Variants in SLC3A1 observed in about 807,000 individuals in gnomAD.
The protein encoded by SLC3A1 is solute carrier family 3 member 1.
SLC3A1 carries 78 observed loss-of-function variants against 60.3 expected under a neutral mutation model. The observed-to-expected ratio is 1.29, with a 90% confidence interval of 1.08 to 1.56. The LOEUF is 1.56. Ranked by LOEUF, SLC3A1 falls within the 40% of genes most tolerant of loss-of-function variation. The pLI is 0.00. For synonymous variants in SLC3A1, 392 were observed against 307.9 expected (o/e 1.27, Z -2.86); for missense variants, 1,172 against 858.9 (o/e 1.36, Z -4.56).
At chr2:44,293,368 T>G (rs1308837724) in intron 4 of SLC3A1, among the ~76,000 whole-genome samples, 1 of 151,992 alleles carries the variant, frequency 6.6e-6, no homozygotes, top group Non-Finnish European at 1.5e-5. Context: ...AATACAAAAA[T>G]TAGCCAGGCA....
intron 7 of SLC3A1, 96 bp downstream of exon 7, chr2:44,304,434 C>A: frequency 1.1e-6 from 1 of 933,334 alleles, no homozygotes; most frequent in East Asian, 2.6e-5. Flanking sequence ...TCTAAGTGAC[C>A]ATCACCTCTG....
intron 7 of SLC3A1, among the ~76,000 whole-genome samples, chr2:44,308,798 TCTCAG>T (rs200492577): frequency 0.026 from 3,900 of 152,110 alleles, 162 homozygotes; most frequent in African/African-American, 0.088. Flanking sequence ...AGTGGTGTGA[TCTCAG>T]CTCATTGCAA....
chr2:44,315,675 AG>A (rs1452435626), intron 9 of SLC3A1, among the ~76,000 whole-genome samples: 2 of 150,456 alleles, frequency 1.3e-5, no homozygotes, highest in Non-Finnish European at 3.0e-5. Flanking sequence ...AAAAAAAAAA[AG>A]CAGAGAATAG....
intron 4 of SLC3A1, among the ~76,000 whole-genome samples, chr2:44,299,242 T>C (rs576123434): frequency 3.3e-5 from 5 of 152,180 alleles, no homozygotes; most frequent in Non-Finnish European, 5.9e-5. Context: ...TTTCATCATG[T>C]TGGCCAGGCT....
chr2:44,314,181 G>C (rs919952903), intron 9 of SLC3A1: 11 of 1,088,696 alleles, frequency 1.0e-5, no homozygotes, highest in Non-Finnish European at 1.4e-5. Flanking sequence ...GAATATACAA[G>C]TCTTCATTGC....
intron 9 of SLC3A1, among the ~76,000 whole-genome samples, chr2:44,315,544 T>C (rs542364305): frequency 6.7e-6 from 1 of 148,354 alleles, no homozygotes; most frequent in Non-Finnish European, 1.5e-5. Flanking sequence ...CCTGGTGACA[T>C]GTGCCTGTCA....
chr2:44,292,612 C>A (rs115320818), intron 4 of SLC3A1, among the ~76,000 whole-genome samples: 3 of 152,022 alleles, frequency 2.0e-5, no homozygotes, highest in Non-Finnish European at 4.4e-5. Context: ...ACAGGGCAAG[C>A]GCCTAACCTG....
intron 1 of SLC3A1, 75 bp downstream of exon 1, chr2:44,276,040 A>C: frequency 7.4e-7 from 1 of 1,345,870 alleles, no homozygotes; most frequent in Non-Finnish European, 1.1e-6. Context: ...TTCAGAACCA[A>C]ATTATGCCTG....
At chr2:44,307,382 G>A (rs1221854980) in intron 7 of SLC3A1, among the ~76,000 whole-genome samples, 4 of 152,124 alleles carry the variant, frequency 2.6e-5, no homozygotes, top group Non-Finnish European at 1.5e-5. Context: ...TGGGCATATG[G>A]TAAGTCTACA....
chr2:44,308,953 C>G (rs956141127), intron 7 of SLC3A1, among the ~76,000 whole-genome samples: 9 of 152,110 alleles, frequency 5.9e-5, no homozygotes, highest in African/African-American at 1.4e-4. Flanking sequence ...AAGATGGCCT[C>G]GGTCTCCTGA....
chr2:44,280,674 A>C (rs779852416), intron 1 of SLC3A1, 42 bp from the exon 2 acceptor site: 87 of 1,436,428 alleles, frequency 6.1e-5, no homozygotes, highest in Admixed American at 8.8e-5. Context: ...CTTTAACTAA[A>C]ACAAAGTAGG....
intron 1 of SLC3A1, 25 bp from the exon 2 acceptor site, chr2:44,280,691 T>C: frequency 1.3e-6 from 2 of 1,547,186 alleles, no homozygotes; most frequent in Non-Finnish European, 1.8e-6. Context: ...TAGGGTTTAT[T>C]CATGACTTTG....
intron 4 of SLC3A1, among the ~76,000 whole-genome samples, chr2:44,291,369 A>G (rs935281525): frequency 2.6e-5 from 4 of 152,132 alleles, no homozygotes; most frequent in African/African-American, 9.7e-5. Context: ...CAGCCAATAC[A>G]TTAATTATTT....
rs746039602 is a variant in SLC3A1, at chr2:44,275,515, G to T, written c.-21G>T. The T allele has an allele frequency of 6.2e-7, 1 of 1,610,792 alleles. No homozygotes were observed. The highest frequency in any genetic ancestry group is 8.5e-7 in the Non-Finnish European group (1 of 1,177,942). ...CTCCCTTACTGCAGGAAGGCACTCC[G>T]AAGACATAAGTCGGTGAGACATGGC... On this transcript the variant is annotated 5_prime_UTR_variant, in exon 1 of 10. Coordinates refer to ENST00000260649, the MANE Select transcript of SLC3A1 (RefSeq NM_000341.4).
chr2:44,294,037 C>T lies in SLC3A1; in HGVS notation c.892-5934C>T, dbSNP rs562284866. ...TAAATACTATTGTGAAGTGCAATGTCGAGAGGGTGTAAGATGGAGCCCCAA... is the reference window on the plus strand; with the variant it reads ...TAAATACTATTGTGAAGTGCAATGTTGAGAGGGTGTAAGATGGAGCCCCAA... On this transcript the variant is annotated intron_variant, in intron 4 of 9. Coordinates refer to ENST00000260649, the MANE Select transcript of SLC3A1 (RefSeq NM_000341.4). Among the ~76,000 whole-genome samples the T allele has an allele frequency of 2.6e-4, 40 of 152,058 alleles. No individual in the cohort carries two copies. In the South Asian group the frequency reaches 7.5e-3, roughly 28 times the overall value.
At chr2:44,286,199 T>A in intron 4 of SLC3A1, 42 bp downstream of exon 4, 2 of 1,579,394 alleles carry the variant, frequency 1.3e-6, no homozygotes, top group Middle Eastern at 1.9e-4. Flanking sequence ...TTAATGGAGG[T>A]TTAGGTATTT....
chr2:44,305,414 CTTTCT>C (rs1028532386), intron 7 of SLC3A1, among the ~76,000 whole-genome samples: 17 of 137,816 alleles, frequency 1.2e-4, no homozygotes, highest in Middle Eastern at 3.3e-3. Flanking sequence ...AAAAGACAAC[CTTTCT>C]TTTCTTACTT....
intron 4 of SLC3A1, among the ~76,000 whole-genome samples, chr2:44,290,750 C>G (rs1472537069): frequency 7.1e-6 from 1 of 141,406 alleles, no homozygotes; most frequent in Non-Finnish European, 1.5e-5. Flanking sequence ...GGAATTGGTT[C>G]TGGAAGTAAG....
intron 1 of SLC3A1, among the ~76,000 whole-genome samples, chr2:44,277,756 A>G (rs1319967722): frequency 6.6e-6 from 1 of 152,220 alleles, no homozygotes; most frequent in Non-Finnish European, 1.5e-5. Context: ...CTCCTTCTGG[A>G]TAGGTCCAAC....
Sources: gnomAD v4.1 joint callset for allele counts (sites outside exome capture counted in the v4.1 genomes callset) on GRCh38, gnomAD v4.1.1 for gene constraint, MANE v1.5 for transcripts, NCBI Gene and HGNC (gene_info 2026-07-23, HGNC 2026-07-21) for gene names.